The following CDIN1 variants were observed in gnomAD, a reference collection of about 807,000 sequenced individuals.
CDIN1 encodes the protein CDAN1 interacting nuclease 1.
Under a neutral mutation model 45.3 loss-of-function variants are expected in CDIN1, and 33 were observed. The observed-to-expected ratio is 0.73, with a 90% confidence interval of 0.55 to 0.97. The LOEUF (loss-of-function observed/expected upper bound fraction) is 0.97. Ranked by LOEUF, CDIN1 falls within the 50% of genes least tolerant of loss-of-function variation. CDIN1 has a pLI of 0.00. For synonymous variants in CDIN1, 118 were observed against 124.4 expected (o/e 0.95, Z 0.34); for missense variants, 303 against 339.4 (o/e 0.89, Z 0.84).
At chr15:36,788,106 AT>A (rs1172040193) in intron 10 of CDIN1, among the ~76,000 whole-genome samples, 9 of 50,502 alleles carry the variant, frequency 1.8e-4, no homozygotes, top group African/African-American at 6.2e-4. Context: ...ATATATATAT[AT>A]TTTTTTTTTT....
intron 10 of CDIN1, among the ~76,000 whole-genome samples, chr15:36,751,229 T>TTATATATA (rs10557235): frequency 0.017 from 1,619 of 97,394 alleles, 47 homozygotes; most frequent in African/African-American, 0.033. Flanking sequence ...TATGCTTATT[T>TTATATATA]TATATATATA....
At chr15:36,736,400 C>A (rs554140166) in intron 10 of CDIN1, among the ~76,000 whole-genome samples, 53 of 152,156 alleles carry the variant, frequency 3.5e-4, no homozygotes, top group Non-Finnish European at 6.3e-4. Flanking sequence ...TTCTTTCATG[C>A]TGGTGGCCTC....
At chr15:36,676,483 C>G (rs935421785) in intron 5 of CDIN1, among the ~76,000 whole-genome samples, 2 of 152,190 alleles carry the variant, frequency 1.3e-5, no homozygotes, top group Non-Finnish European at 2.9e-5. Context: ...AGAGAGGCTT[C>G]TTGAAGTCAT....
Position 36,769,858 on chromosome 15 carries a change from C to T in CDIN1, c.717-38466C>T, listed in dbSNP as rs144314785. 3.6e-3 allele frequency among the ~76,000 whole-genome samples: 554 copies of T among 152,250 alleles called. 2 individuals are homozygous for T. The highest frequency in any genetic ancestry group is 0.013 in the African/African-American group (523 of 41,562). On this transcript the variant is annotated intron_variant, in intron 10 of 10. Transcript: ENST00000566621. ...AGGTGTTTGCTCTAAAGTCTAAGAACCTGTGCGATAAATGATGTTACAGTC... is the reference window on the plus strand; with the variant it reads ...AGGTGTTTGCTCTAAAGTCTAAGAATCTGTGCGATAAATGATGTTACAGTC...
intron 1 of CDIN1, among the ~76,000 whole-genome samples, chr15:36,580,332 A>G (rs2140144448): frequency 6.6e-6 from 1 of 152,326 alleles, no homozygotes. Flanking sequence ...ATTCGAAAGG[A>G]GCAAATGGAG....
Position 36,746,811 on chromosome 15 carries a change from G to C in CDIN1, c.716+36850G>C, listed in dbSNP as rs72708606. The C allele has an allele frequency of 0.13, 26,074 of 205,988 alleles. 1,441 individuals carry two copies. Among genetic ancestry groups the C allele is most frequent in the Middle Eastern group, 0.18 (101 of 560 alleles). 12.8% of individuals were successfully genotyped at this position (205,988 alleles called of 1,614,324 possible). On this transcript the variant is annotated intron_variant, in intron 10 of 10. Transcript: ENST00000566621. The stretch of plus-strand genomic sequence containing the variant: ...GTCTCACTCTGTTGCCCAGGACTAT[G>C]GCTCACTGCAGCATTCGCGTCCCCC...
At chr15:36,587,167 T>C (rs1244251610) in intron 1 of CDIN1, among the ~76,000 whole-genome samples, 1 of 152,234 alleles carries the variant, frequency 6.6e-6, no homozygotes, top group East Asian at 1.9e-4. Context: ...CTTAGGTTTT[T>C]CTAATGGTGT....
At chr15:36,589,346 G>A (rs1014576280) in intron 1 of CDIN1, among the ~76,000 whole-genome samples, 1 of 152,016 alleles carries the variant, frequency 6.6e-6, no homozygotes, top group Non-Finnish European at 1.5e-5. Context: ...ATTTTTAATT[G>A]TCTTTTTATT....
chr15:36,745,362 T>G (rs1231360051), intron 10 of CDIN1, among the ~76,000 whole-genome samples: 1 of 152,170 alleles, frequency 6.6e-6, no homozygotes, highest in African/African-American at 2.4e-5. Flanking sequence ...TATATATATT[T>G]TTAAATTAAC....
intron 8 of CDIN1, 162 bp from the exon 9 acceptor site, chr15:36,709,061 G>T (rs895993349): frequency 6.4e-6 from 3 of 472,356 alleles, no homozygotes; most frequent in Non-Finnish European, 1.1e-5. Flanking sequence ...CTTCAGTGTT[G>T]TTCAGAAAGT....
At chr15:36,697,971 T>C (rs916055478) in intron 8 of CDIN1, among the ~76,000 whole-genome samples, 4 of 152,192 alleles carry the variant, frequency 2.6e-5, no homozygotes, top group African/African-American at 9.6e-5. Flanking sequence ...ATACATATAA[T>C]AAGTGATCAC....
chr15:36,648,828 T>G (rs996597794), intron 3 of CDIN1: 1 of 152,224 alleles, frequency 6.6e-6, no homozygotes, highest in Non-Finnish European at 1.5e-5. Context: ...ATGTAATTAT[T>G]GGTGCAAACA....
intron 10 of CDIN1, among the ~76,000 whole-genome samples, chr15:36,774,161 T>TGC (rs756189878): frequency 2.8e-4 from 14 of 50,698 alleles, no homozygotes; most frequent in Admixed American, 1.9e-3. Flanking sequence ...TGTGTGTGTG[T>TGC]GTGCGCGCGC....
chr15:36,596,664 A>T (rs2037845874), intron 1 of CDIN1, among the ~76,000 whole-genome samples: 1 of 152,156 alleles, frequency 6.6e-6, no homozygotes, highest in African/African-American at 2.4e-5. Context: ...AAATTCAGGC[A>T]AAGTGTGTAG....
At position 36,591,956 on chromosome 15, in the gene CDIN1, A is replaced by G. The variant is rs532639974; in HGVS notation, c.101+11995A>G. Reference sequence around the variant, plus strand: ...ACCTGGTTGGTTTTGCAGCTAGGTGAAAGTACAGTTGTGTGTACCAACAAG... The same window carrying G: ...ACCTGGTTGGTTTTGCAGCTAGGTGGAAGTACAGTTGTGTGTACCAACAAG... On this transcript the variant is annotated intron_variant, in intron 1 of 10. Transcript: ENST00000566621. 2.6e-5 allele frequency: 4 copies of G among 152,356 alleles called. No homozygotes were observed. The East Asian group carries it at 7.7e-4, about 29-fold the overall frequency. The allele number at this position is 152,356 out of a possible 1,614,324, so 9.4% of individuals were successfully genotyped here.
intron 5 of CDIN1, among the ~76,000 whole-genome samples, chr15:36,670,277 C>T (rs1176825169): frequency 1.3e-5 from 2 of 152,014 alleles, no homozygotes; most frequent in African/African-American, 4.8e-5. Context: ...AAACATATAT[C>T]CTTGTCTGCT....
chr15:36,742,312 C>A (rs1278627515), intron 10 of CDIN1, among the ~76,000 whole-genome samples: 2 of 152,092 alleles, frequency 1.3e-5, no homozygotes, highest in African/African-American at 4.8e-5. Flanking sequence ...AGATACGAAC[C>A]CTTACTGTTA....
intron 3 of CDIN1, among the ~76,000 whole-genome samples, chr15:36,649,849 G>A (rs2040501911): frequency 5.3e-5 from 8 of 152,130 alleles, no homozygotes; most frequent in Admixed American, 5.2e-4. Flanking sequence ...TACATACACA[G>A]CTCTTTTCCC....
At chr15:36,658,168 C>G (rs2040855149) in intron 5 of CDIN1, 1 of 314,280 alleles carries the variant, frequency 3.2e-6, no homozygotes, top group Non-Finnish European at 5.8e-6. Context: ...AAAATTGATT[C>G]ATCTTCGTAT....
Sources: allele counts gnomAD v4.1 joint callset (sites outside exome capture counted in the v4.1 genomes callset), GRCh38; gene constraint gnomAD v4.1.1; transcripts MANE v1.5; gene names NCBI Gene and HGNC (gene_info 2026-07-23, HGNC 2026-07-21).